Variants in COL8A2 observed in about 807,000 individuals in gnomAD.
The protein encoded by COL8A2 is collagen type VIII alpha 2 chain.
A neutral mutation model predicts 24.0 loss-of-function variants in COL8A2; 16 were observed. The ratio of observed to expected loss-of-function variants is 0.67; its 90% CI spans 0.45 to 1.01. COL8A2 has a LOEUF of 1.01. COL8A2 is among the 50% of genes least tolerant of loss of function. The pLI, the probability that COL8A2 is intolerant of heterozygous loss-of-function variation, is 0.00. For missense variants in COL8A2, 818 were observed against 942.4 expected (o/e 0.87, Z 1.73); for synonymous variants, 466 against 424.5 (o/e 1.10, Z -1.20).
At chr1:36,114,709 G>A (rs1407567441) in intron 2 of COL8A2, among the ~76,000 whole-genome samples, 1 of 152,110 alleles carries the variant, frequency 6.6e-6, no homozygotes, top group Non-Finnish European at 1.5e-5. Flanking sequence ...CCTGCCTGAG[G>A]CGGGCACAGG....
At position 36,097,386 on chromosome 1, in the gene COL8A2, C is replaced by CT. The variant is rs1231115571; in HGVS notation, c.*182_*183insA. 85 of 617,592 alleles carry CT rather than the reference C, an allele frequency of 1.4e-4. No homozygotes were observed. Among genetic ancestry groups the CT allele is most frequent in the Non-Finnish European group, 2.3e-4 (82 of 350,604 alleles). 38.3% of individuals were successfully genotyped at this position (617,592 alleles called of 1,614,324 possible). A position where few individuals can be genotyped will look rare whatever the true frequency, so the allele number is the denominator to read the frequency against. On this transcript the variant is annotated 3_prime_UTR_variant, in exon 4 of 4. Transcript: ENST00000397799. ...ACATTTGGGGGAAAGAAACTCAGGC[C>CT]AGCCCCTTCCAGAAACAATCTCAGC...
chr1:36,113,061 A>G (rs13376244), intron 2 of COL8A2, among the ~76,000 whole-genome samples: 1,982 of 152,210 alleles, frequency 0.013, 48 homozygotes, highest in African/African-American at 0.045. Flanking sequence ...GGGGGTAGAG[A>G]GATGGATGTT....
In COL8A2 at chr1:36,098,100, CG is replaced by C; in HGVS notation, c.1580del (p.Pro527ArgfsTer66). The C allele has an allele frequency of 3.3e-6, 5 of 1,518,604 alleles. No individual in the cohort carries two copies. The highest frequency in any genetic ancestry group is 4.2e-5 in the Admixed American group (2 of 47,134). 94.1% of individuals were successfully genotyped at this position (1,518,604 alleles called of 1,614,324 possible). A position where few individuals can be genotyped will look rare whatever the true frequency, so the allele number is the denominator to read the frequency against. On this transcript the variant is annotated frameshift_variant, in exon 4 of 4. Transcript: ENST00000397799. LOFTEE classifies it high-confidence loss of function. Reference sequence around the variant, plus strand: ...AGGCCCCAGGGGCACCAGGGGGTCCCGGGGGCCCGGGAGGCCCCGGAGGGCC... The same window carrying C: ...AGGCCCCAGGGGCACCAGGGGGTCCCGGGGCCCGGGAGGCCCCGGAGGGCC... ...ITGPPGPPGP[P>X]GPPGAPGAFD...
Position 36,115,610 on chromosome 1 carries a change from C to A in COL8A2, c.-17+98G>T. 1 of 680,436 alleles carries A rather than the reference C, an allele frequency of 1.5e-6. No individual in the cohort carries two copies. The highest frequency in any genetic ancestry group is 1.8e-6 in the Non-Finnish European group (1 of 551,330). The allele number at this position is 680,436 out of a possible 1,614,324, so 42.1% of individuals were successfully genotyped here. On this transcript the variant is annotated intron_variant, in intron 2 of 3. Transcript: ENST00000397799. This position sits in a 1 kb window ranked among gnomAD's most constrained non-coding sequence, Gnocchi z 5.7. ...CAGGACTCTCTGGGCCTGGGAGGGG[C>A]TTCCGGTGCAGCAGGAGGGAGTGAG...
chr1:36,107,836 G>A lies in COL8A2; in HGVS notation c.-16-7578C>T, dbSNP rs558900953. On this transcript the variant is annotated intron_variant, in intron 2 of 3. Transcript: ENST00000397799. Reference sequence around the variant, plus strand: ...CTCCCCTGCTTCCTGCACACATGCCGGGCCTCCCTGGGGCTCTCTGGCCTC... The same window carrying A: ...CTCCCCTGCTTCCTGCACACATGCCAGGCCTCCCTGGGGCTCTCTGGCCTC... 4.6e-5 allele frequency among the ~76,000 whole-genome samples: 7 copies of A among 151,182 alleles called. No homozygotes were observed. The East Asian group carries it at 7.8e-4, about 17-fold the overall frequency.
At chr1:36,122,679 T>TC (rs925474636) in intron 1 of COL8A2, among the ~76,000 whole-genome samples, 2 of 152,088 alleles carry the variant, frequency 1.3e-5, no homozygotes, top group African/African-American at 4.8e-5. Flanking sequence ...GCCCACTTCA[T>TC]CCCCCGTCAC....
Position 36,099,174 on chromosome 1 carries a change from A to C in COL8A2, c.507T>G (p.Ile169Met), listed in dbSNP as rs759802563. The change falls in exon 4 of 4, where the codon ATT (isoleucine) becomes ATG (methionine). Residue 169 changes from isoleucine to methionine, a missense_variant. Physicochemically the swap from Ile to Met is conservative, Grantham distance 10. Around this residue, in one of 3 missense-constraint regions of COL8A2, gnomAD observed 573 missense variants for 616.8 expected, o/e 0.93. Coordinates refer to ENST00000397799, the MANE Select transcript of COL8A2 (RefSeq NM_005202.4). ...GGGCACCTGGTTTTCCAGGGATAGT[A>C]ATGCCTGAGGGGCCCGGGAGGCCAG... ...GPPGLPGPSG[I>M]TIPGKPGAQG... is the part of the protein sequence containing the mutation. 2 of 1,500,700 alleles carry C rather than the reference A, an allele frequency of 1.3e-6. No individual in the cohort carries two copies. The highest frequency in any genetic ancestry group is 1.8e-6 in the Non-Finnish European group (2 of 1,124,234). 93.0% of individuals were successfully genotyped at this position (1,500,700 alleles called of 1,614,324 possible).
At chr1:36,113,522 G>A (rs897626988) in intron 2 of COL8A2, among the ~76,000 whole-genome samples, 25 of 152,230 alleles carry the variant, frequency 1.6e-4, no homozygotes, top group African/African-American at 4.1e-4. Flanking sequence ...GCAGCTCCGC[G>A]AGGTCTGGGA....
chr1:36,120,572 A>AC (rs1643904564), intron 1 of COL8A2, among the ~76,000 whole-genome samples: 1 of 151,982 alleles, frequency 6.6e-6, no homozygotes, highest in African/African-American at 2.4e-5. Flanking sequence ...ACGTGGTGAA[A>AC]CCCCATCTCT....
At chr1:36,116,904 T>C (rs1438516979) in intron 1 of COL8A2, among the ~76,000 whole-genome samples, 2 of 152,216 alleles carry the variant, frequency 1.3e-5, no homozygotes, top group African/African-American at 4.8e-5. Flanking sequence ...TCCCCATTTC[T>C]GCCTCAATCA....
rs1338922408 is a variant in COL8A2 at position 36,099,405 on chromosome 1, G to T, written c.276C>A (p.Gly92=). The change falls in exon 4 of 4, where the codon GGC becomes GGA. Residue 92 remains glycine (G), a synonymous_variant. Transcript: ENST00000397799. ...CTGGTTTTCCTGGGAAGCCAGGGGG[G>T]CCAGGGGGACCCCGAGGCCCGGGCT... is the stretch of plus-strand genomic sequence containing the variant. The part of the protein sequence containing the change: ...PGKPGPRGPP[G]PPGFPGKPGM... 4 of 1,557,216 alleles carry T rather than the reference G, an allele frequency of 2.6e-6. No homozygotes were observed. In the Admixed American group the frequency reaches 5.7e-5, roughly 22 times the overall value.
In COL8A2 at chr1:36,115,322, C is replaced by T. The variant is rs939835756; in HGVS notation, c.-17+386G>A. On this transcript the variant is annotated intron_variant, in intron 2 of 3. Transcript: ENST00000397799. This position sits in a 1 kb window ranked among gnomAD's most constrained non-coding sequence, Gnocchi z 5.7. ...CCACCCGCCACCCGCTGCCTCCCCA[C>T]GCCTGCCAAGATTCCTGGGCCTCTG... Among the ~76,000 whole-genome samples the T allele has an allele frequency of 5.3e-5, 8 of 152,194 alleles. No homozygotes were observed. Among genetic ancestry groups the T allele is most frequent in the African/African-American group, 1.4e-4 (6 of 41,456 alleles).
At chr1:36,114,799 C>T (rs1459520087) in intron 2 of COL8A2, among the ~76,000 whole-genome samples, 2 of 152,156 alleles carry the variant, frequency 1.3e-5, no homozygotes, top group Non-Finnish European at 2.9e-5. Context: ...TCCAGCCAAG[C>T]CCTCAGGTGG....
chr1:36,104,317 C>G (rs571395554), intron 2 of COL8A2, among the ~76,000 whole-genome samples: 5 of 149,686 alleles, frequency 3.3e-5, no homozygotes, highest in East Asian at 4.0e-4. Flanking sequence ...CATGGTGAAC[C>G]CTGATCTCTA....
chr1:36,102,667 T>TG (rs1557740941), intron 2 of COL8A2, among the ~76,000 whole-genome samples: 1 of 124,582 alleles, frequency 8.0e-6, no homozygotes, highest in African/African-American at 3.1e-5. Flanking sequence ...AAAGCTGGTT[T>TG]TTTGTTTTTT....
Position 36,099,130 on chromosome 1 carries a change from G to T in COL8A2, c.551C>A (p.Pro184Gln), listed in dbSNP as rs1404211540. 2.7e-6 allele frequency: 4 copies of T among 1,505,982 alleles called. No individual in the cohort carries two copies. Among genetic ancestry groups the T allele is most frequent in the Non-Finnish European group, 3.5e-6 (4 of 1,129,556 alleles). 93.3% of individuals were successfully genotyped at this position (1,505,982 alleles called of 1,614,324 possible). The change falls in exon 4 of 4, where the codon CCA becomes CAA. Residue 184 changes from proline (P) to glutamine (Q), a missense_variant. This residue lies in a region of COL8A2 where 573 missense variants were observed against 616.8 expected (regional missense o/e 0.93). Transcript: ENST00000397799. The stretch of plus-strand genomic sequence containing the variant: ...GGGCCCTGGTTCCCCCTGGAATCCT[G>T]GGGGCCCTGGCACCCCTTGGGCACC... ...KPGAQGVPGP[P>Q]GFQGEPGPQG... is the part of the protein sequence containing the mutation.
rs149766287 is a variant in COL8A2 at position 36,108,058 on chromosome 1, A to G, written c.-17+7650T>C. 1.9e-4 allele frequency among the ~76,000 whole-genome samples: 29 copies of G among 152,244 alleles called. No individual in the cohort carries two copies. The East Asian group carries it at 5.4e-3, about 28-fold the overall frequency. ...CTCCAGTGTTTGATGAACTCAATTC[A>G]CCATCAAATTTAAAGGACACACCAA... On this transcript the variant is annotated intron_variant, in intron 2 of 3. Transcript: ENST00000397799.
At chr1:36,120,545 C>T (rs150885381) in intron 1 of COL8A2, among the ~76,000 whole-genome samples, 2,184 of 151,702 alleles carry the variant, frequency 0.014, 23 homozygotes, top group Non-Finnish European at 0.023. Context: ...GTCAGGAGTT[C>T]GAGAACAGCC....
intron 2 of COL8A2, among the ~76,000 whole-genome samples, chr1:36,102,664 G>GGT (rs1553177881): frequency 4.2e-5 from 4 of 94,782 alleles, no homozygotes; most frequent in Non-Finnish European, 7.9e-5. Flanking sequence ...TATAAAGCTG[G>GGT]TTTTTTGTTT....
Sources: gnomAD v4.1 joint callset for allele counts (sites outside exome capture counted in the v4.1 genomes callset) on GRCh38, gnomAD v4.1.1 for gene constraint, gnomAD v4.1.1 regional missense constraint, Gnocchi (gnomAD v3.1) non-coding constraint, MANE v1.5 for transcripts, NCBI Gene and HGNC (gene_info 2026-07-23, HGNC 2026-07-21) for gene names.